Variants in AK8 observed in about 807,000 individuals in gnomAD.
AK8 encodes ATP-AMP transphosphorylase 8.
AK8 carries 44 observed loss-of-function variants against 54.6 expected under a neutral mutation model. The observed-to-expected ratio is 0.81, with a 90% CI of 0.63 to 1.04. AK8 has a LOEUF of 1.04. Among genes scored for constraint, AK8 ranks in the 50% least tolerant of loss-of-function variants. The pLI is 0.00. For missense variants in AK8, 555 were observed against 613.6 expected, an observed-to-expected ratio of 0.90 and a Z score of 1.01; for synonymous variants, 239 against 245.6, an observed-to-expected ratio of 0.97 and a Z score of 0.25.
intron 11 of AK8, among the ~76,000 whole-genome samples, chr9:132,786,484 AG>A (rs900080116): frequency 1.3e-5 from 2 of 152,064 alleles, no homozygotes; most frequent in African/African-American, 4.8e-5. Flanking sequence ...ACCCCCAGAG[AG>A]GGGGTCCTGG....
intron 10 of AK8, among the ~76,000 whole-genome samples, chr9:132,793,976 C>T (rs1366263914): frequency 6.6e-6 from 1 of 152,092 alleles, no homozygotes; most frequent in Non-Finnish European, 1.5e-5. Flanking sequence ...TCCACAGGGC[C>T]CCCCAGGCTG....
intron 11 of AK8, among the ~76,000 whole-genome samples, chr9:132,788,365 T>G (rs1423233415): frequency 6.6e-6 from 1 of 152,240 alleles, no homozygotes; most frequent in Non-Finnish European, 1.5e-5. Context: ...TGGGATCTTT[T>G]ATTTTCAGAC....
chr9:132,774,295 A>G (rs1426598010), intron 11 of AK8, among the ~76,000 whole-genome samples: 1 of 152,144 alleles, frequency 6.6e-6, no homozygotes, highest in African/African-American at 2.4e-5. Context: ...ATCTGCAGAA[A>G]TCTCAAAGCC....
intron 11 of AK8, among the ~76,000 whole-genome samples, chr9:132,778,682 T>C (rs1225938839): frequency 2.0e-5 from 3 of 152,178 alleles, no homozygotes; most frequent in African/African-American, 7.2e-5. Flanking sequence ...TTACATCAAA[T>C]TAGGGAGCTC....
chr9:132,820,024 A>G (rs1841509944), intron 9 of AK8, among the ~76,000 whole-genome samples: 1 of 151,630 alleles, frequency 6.6e-6, no homozygotes, highest in African/African-American at 2.4e-5. Flanking sequence ...GCATGGTGGC[A>G]TACACCTGTA....
intron 5 of AK8, among the ~76,000 whole-genome samples, chr9:132,839,819 C>CA (rs1221191546): frequency 1.4e-5 from 1 of 70,062 alleles, no homozygotes; most frequent in Non-Finnish European, 2.9e-5. Context: ...ATTTTTTTTG[C>CA]CGGGGGGGGG....
At chr9:132,827,733 G>C (rs1286526072) in intron 7 of AK8, 2 of 449,436 alleles carry the variant, frequency 4.5e-6, no homozygotes, top group Non-Finnish European at 8.0e-6. Context: ...GCTCCTGTGT[G>C]GGCCCCAAGC....
chr9:132,843,347 C>A (rs1372134872), intron 5 of AK8, among the ~76,000 whole-genome samples: 1 of 152,178 alleles, frequency 6.6e-6, no homozygotes, highest in Non-Finnish European at 1.5e-5. Flanking sequence ...TCCCCCTTCA[C>A]CTTCTGCCGT....
intron 11 of AK8, among the ~76,000 whole-genome samples, chr9:132,754,486 C>T (rs759308554): frequency 4.6e-5 from 7 of 152,186 alleles, no homozygotes; most frequent in Non-Finnish European, 5.9e-5. Flanking sequence ...AATGAGAGAA[C>T]AGGATCGGCC....
At chr9:132,821,755 A>ATATATACATATATGTATATGTGTATG (rs1564421177) in intron 9 of AK8, among the ~76,000 whole-genome samples, 1 of 73,192 alleles carries the variant, frequency 1.4e-5, no homozygotes, top group Non-Finnish European at 2.5e-5. Context: ...GTATATACAA[A>ATATATACATATATGTATATGTGTATG]TATATACATA....
chr9:132,873,439 G>A (rs551692360), intron 2 of AK8, among the ~76,000 whole-genome samples: 4 of 147,210 alleles, frequency 2.7e-5, no homozygotes, highest in Non-Finnish European at 4.4e-5. Context: ...GGAGGGAGGT[G>A]GGGGGGTGGC....
chr9:132,742,786 A>T (rs1261714274), intron 11 of AK8, among the ~76,000 whole-genome samples: 1 of 152,174 alleles, frequency 6.6e-6, no homozygotes, highest in African/African-American at 2.4e-5. Flanking sequence ...GTGGGCCCAC[A>T]CACCAGCACT....
chr9:132,848,184 G>T (rs923976155), intron 5 of AK8, among the ~76,000 whole-genome samples: 3 of 146,086 alleles, frequency 2.1e-5, no homozygotes, highest in Non-Finnish European at 4.5e-5. Flanking sequence ...AATGCTTCCA[G>T]CCTGGTGATC....
intron 9 of AK8, among the ~76,000 whole-genome samples, chr9:132,820,665 G>A (rs893195730): frequency 6.6e-6 from 1 of 152,220 alleles, no homozygotes; most frequent in Non-Finnish European, 1.5e-5. Context: ...AGTCGTGTCC[G>A]TATATACTCC....
chr9:132,824,843 A>C (rs1028337039), intron 8 of AK8, among the ~76,000 whole-genome samples: 1 of 152,310 alleles, frequency 6.6e-6, no homozygotes, highest in African/African-American at 2.4e-5. Context: ...CAGCATCATC[A>C]ATGGCATGTA....
intron 11 of AK8, among the ~76,000 whole-genome samples, chr9:132,744,991 C>T (rs114680716): frequency 0.015 from 2,326 of 151,970 alleles, 46 homozygotes; most frequent in African/African-American, 0.053. Flanking sequence ...GGGGTGGAGA[C>T]GGGTCCGGGC....
rs1841028149 is a variant in AK8 at position 132,811,807 on chromosome 9, G to T, written c.979+2831C>A. ...TCACCAGGGATGTTTCTCCATACAA[G>T]AGTGTGCATTTTAGTATTATTGAAG... On this transcript the variant is annotated intron_variant, in intron 10 of 12. Transcript: ENST00000298545. 4.6e-5 allele frequency among the ~76,000 whole-genome samples: 7 copies of T among 152,194 alleles called. 1 individual carries two copies. The highest frequency in any genetic ancestry group is 2.0e-4 in the Admixed American group (3 of 15,282).
chr9:132,726,261 CT>C (rs1028389370), intron 12 of AK8, among the ~76,000 whole-genome samples: 24 of 150,374 alleles, frequency 1.6e-4, no homozygotes, highest in African/African-American at 5.6e-4. Context: ...CCTCCCTCCC[CT>C]ATCCTCCCTC....
chr9:132,726,440 G>A (rs1346099417), intron 12 of AK8, among the ~76,000 whole-genome samples: 1 of 152,108 alleles, frequency 6.6e-6, no homozygotes, highest in African/African-American at 2.4e-5. Context: ...GCTAATTTTT[G>A]TATTTTTAGT....
Sources: allele counts gnomAD v4.1 joint callset (sites outside exome capture counted in the v4.1 genomes callset), GRCh38; gene constraint gnomAD v4.1.1; transcripts MANE v1.5; gene names NCBI Gene and HGNC (gene_info 2026-07-23, HGNC 2026-07-21).